INSR: variants seen among roughly 807,000 people sequenced by gnomAD.
INSR encodes the protein IR.
INSR carries 67 observed loss-of-function variants against 142.6 expected under a neutral mutation model. The ratio of observed to expected loss-of-function variants is 0.47; its 90% CI spans 0.39 to 0.58. The LOEUF (loss-of-function observed/expected upper bound fraction) is 0.58, where lower values mean the gene tolerates loss of function less well. Among genes scored for constraint, INSR ranks in the 20% least tolerant of loss-of-function variants. The probability of loss-of-function intolerance (pLI) is 0.00; values close to 1 mark genes in which losing one functional copy is unlikely to be tolerated. For missense variants in INSR, 1,248 were observed against 1,833.2 expected (o/e 0.68, Z 5.83); for synonymous variants, 756 against 743.1 (o/e 1.02, Z -0.28).
At position 7,142,816 on chromosome 19, in the gene INSR, C is replaced by T; in HGVS notation, c.2542G>A (p.Ala848Thr). Reference sequence around the variant, plus strand: ...TCGGACCCCGGAGCAGCAGCCCTACCTTCAGGCATGGTCCTCGCACTGACG... The same window carrying T: ...TCGGACCCCGGAGCAGCAGCCCTACTTTCAGGCATGGTCCTCGCACTGACG... ...AYVSARTMPE[A>T]KADDIVGPVT... is the part of the protein sequence containing the mutation. Residue 848 changes from alanine to threonine, a missense_variant and splice_region_variant, in exon 12 of 22, where the codon GCC (alanine) becomes ACC (threonine). By Grantham distance (58) the Ala-to-Thr change is moderately conservative (BLOSUM62 0). Transcript: ENST00000302850. 6.2e-7 allele frequency: 1 copy of T among 1,614,020 alleles called. No individual in the cohort carries two copies. Among genetic ancestry groups the T allele is most frequent in the South Asian group, 1.1e-5 (1 of 91,074 alleles).
At position 7,267,822 on chromosome 19, in the gene INSR, G is replaced by A; in HGVS notation, c.175C>T (p.His59Tyr). The A allele has an allele frequency of 1.9e-6, 3 of 1,614,100 alleles. No individual in the cohort carries two copies. The highest frequency in any genetic ancestry group is 2.5e-6 in the Non-Finnish European group (3 of 1,179,992). Residue 59 changes from histidine to tyrosine, a missense_variant, in exon 2 of 22, where the codon CAC becomes TAC. By Grantham distance (83) the His-to-Tyr change is moderately conservative (BLOSUM62 2). This residue lies in a region of INSR where 1,069 missense variants were observed against 1,654.0 expected (regional missense o/e 0.65). Coordinates refer to ENST00000302850, the MANE Select transcript of INSR (RefSeq NM_000208.4). This position sits in a 1 kb window ranked among gnomAD's most constrained non-coding sequence, Gnocchi z 6.3. ...TTGAACATCAAGAGTATCTGCAAGT[G>A]TCCTTCGATGACAGAGCAATTCTCC... ...ELENCSVIEG[H>Y]LQILLMFKTR...
intron 2 of INSR, among the ~76,000 whole-genome samples, chr19:7,244,532 C>CAAAAAAAAAAAAAA (rs367586146): frequency 2.8e-5 from 4 of 145,128 alleles, no homozygotes; most frequent in African/African-American, 1.1e-4. Flanking sequence ...GACTCTGTCT[C>CAAAAAAAAAAAAAA]AAAAAGAAAA....
chr19:7,246,263 G>C (rs1475040136), intron 2 of INSR, among the ~76,000 whole-genome samples: 2 of 152,124 alleles, frequency 1.3e-5, no homozygotes, highest in African/African-American at 4.8e-5. Flanking sequence ...TAGCACACAA[G>C]ATGCAAACAG....
intron 1 of INSR, among the ~76,000 whole-genome samples, chr19:7,274,309 G>A (rs1287265970): frequency 6.6e-6 from 1 of 151,592 alleles, no homozygotes; most frequent in African/African-American, 2.4e-5. Context: ...GAGCTCAGGC[G>A]GCAATGCTCA....
At chr19:7,162,907 T>C (rs1973793625) in intron 9 of INSR, 125 bp downstream of exon 9, 1 of 787,104 alleles carries the variant, frequency 1.3e-6, no homozygotes, top group Non-Finnish European at 2.3e-6. Flanking sequence ...GAATGGAGTG[T>C]GTGTGTGTGT....
At chr19:7,255,494 C>T (rs1172475484) in intron 2 of INSR, among the ~76,000 whole-genome samples, 2 of 148,672 alleles carry the variant, frequency 1.3e-5, no homozygotes, top group African/African-American at 4.9e-5. Flanking sequence ...TTCCCTCTCA[C>T]CCTGTCTTTT....
At chr19:7,123,894 C>T (rs898810250) in intron 17 of INSR, among the ~76,000 whole-genome samples, 2 of 150,796 alleles carry the variant, frequency 1.3e-5, no homozygotes, top group East Asian at 2.0e-4. Context: ...CTGCACTCCA[C>T]TCTGGGCGAC....
chr19:7,190,570 C>A (rs906514243), intron 2 of INSR, among the ~76,000 whole-genome samples: 6 of 151,960 alleles, frequency 3.9e-5, no homozygotes, highest in Non-Finnish European at 8.8e-5. Flanking sequence ...TGGGGTTTCA[C>A]CACGTTGGCC....
intron 2 of INSR, among the ~76,000 whole-genome samples, chr19:7,250,150 C>T (rs1976665946): frequency 6.7e-6 from 1 of 148,554 alleles, no homozygotes. Flanking sequence ...CAGAGCAAGA[C>T]CCTGTCGAAA....
intron 2 of INSR, among the ~76,000 whole-genome samples, chr19:7,195,465 A>C (rs967867346): frequency 6.6e-6 from 1 of 152,086 alleles, no homozygotes; most frequent in Non-Finnish European, 1.5e-5. Context: ...CAACATGGTG[A>C]AACCCTTTCT....
chr19:7,132,284 C>T lies in INSR; in HGVS notation c.2716G>A (p.Ala906Thr), dbSNP rs575954707. The T allele has an allele frequency of 5.8e-5, 94 of 1,614,142 alleles. 1 individual carries two copies. The South Asian group carries it at 9.1e-4, about 16-fold the overall frequency. The change falls in exon 14 of 22, where the codon GCT becomes ACT. Residue 906 changes from alanine (A) to threonine (T), a missense_variant. Ala to Thr is a moderately conservative substitution (Grantham distance 58). Coordinates refer to ENST00000302850, the MANE Select transcript of INSR (RefSeq NM_000208.4). ...CGCAGCCTGCAGCCCCGTTCCAGAG[C>T]GAAGTGCTTGCGGGAGACGCAGAGA... ...LHLCVSRKHF[A>T]LERGCRLRGL...
intron 2 of INSR, among the ~76,000 whole-genome samples, chr19:7,206,689 G>A (rs372950767): frequency 2.0e-5 from 3 of 152,240 alleles, no homozygotes; most frequent in African/African-American, 7.2e-5. Flanking sequence ...GGAGGAGGAG[G>A]TTTCAGTGAA....
chr19:7,278,629 G>T (rs914203314), intron 1 of INSR, among the ~76,000 whole-genome samples: 27 of 151,718 alleles, frequency 1.8e-4, no homozygotes, highest in Non-Finnish European at 3.1e-4. Context: ...GAGGTCAAGG[G>T]GGGTGGATCA....
chr19:7,243,234 G>GGT, intron 2 of INSR, among the ~76,000 whole-genome samples: 1 of 68,214 alleles, frequency 1.5e-5, no homozygotes, highest in African/African-American at 6.0e-5. Context: ...CACTGTTTTG[G>GGT]TTTTTTTTTT....
Position 7,157,723 on chromosome 19 carries a change from G to C in INSR, c.2030-4796C>G, listed in dbSNP as rs144507304. Among the ~76,000 whole-genome samples the C allele has an allele frequency of 1.5e-3, 222 of 151,988 alleles. 2 individuals are homozygous for C. Among genetic ancestry groups the C allele is most frequent in the African/African-American group, 5.1e-3 (212 of 41,458 alleles). On this transcript the variant is annotated intron_variant, in intron 9 of 21. Transcript: ENST00000302850. ...CAAAATCTGCAACAGTCCCTGGAGA[G>C]CCACCTCCCCTGCTGCCACTCTGCT...
rs559677970 is a variant in INSR, at chr19:7,232,679, A to G, written c.652+34666T>C. The stretch of plus-strand genomic sequence containing the variant: ...CAAAAAATCAGCCAGGCGTGGTGGC[A>G]GGCGCCTGTAGTCCCAGCTACTTGG... On this transcript the variant is annotated intron_variant, in intron 2 of 21. Transcript: ENST00000302850. 3.0e-4 allele frequency among the ~76,000 whole-genome samples: 46 copies of G among 151,812 alleles called. 1 individual carries two copies. In the South Asian group the frequency reaches 3.5e-3, roughly 12 times the overall value.
intron 2 of INSR, among the ~76,000 whole-genome samples, chr19:7,227,756 G>A (rs374246652): frequency 2.0e-5 from 3 of 152,266 alleles, no homozygotes; most frequent in African/African-American, 4.8e-5. Flanking sequence ...GTTATGGATC[G>A]GAAAGGCAGC....
chr19:7,144,309 A>G (rs183805582), intron 11 of INSR, among the ~76,000 whole-genome samples: 69 of 152,360 alleles, frequency 4.5e-4, no homozygotes, highest in African/African-American at 1.7e-3. Flanking sequence ...CTACAAAAGT[A>G]GCATGTGTTC....
intron 2 of INSR, among the ~76,000 whole-genome samples, chr19:7,239,310 A>T (rs1337385377): frequency 6.6e-6 from 1 of 151,082 alleles, no homozygotes; most frequent in Non-Finnish European, 1.5e-5. Flanking sequence ...CCACCCCAAA[A>T]CAGCTCCCAG....
Sources: allele counts gnomAD v4.1 joint callset (sites outside exome capture counted in the v4.1 genomes callset), GRCh38; gene constraint gnomAD v4.1.1; regional missense constraint gnomAD v4.1.1; non-coding constraint Gnocchi (gnomAD v3.1); transcripts MANE v1.5; gene names NCBI Gene and HGNC (gene_info 2026-07-23, HGNC 2026-07-21).